The following FBXW4 variants were observed in gnomAD, a reference collection of about 807,000 sequenced individuals.
FBXW4 encodes F-box/WD repeat-containing protein 4.
Under a neutral mutation model 61.8 loss-of-function variants are expected in FBXW4, and 40 were observed. That is an observed-to-expected ratio of 0.65 (90% CI 0.50 to 0.84). The LOEUF is 0.84. FBXW4 is among the 40% of genes least tolerant of loss of function. The pLI, the probability that FBXW4 is intolerant of heterozygous loss-of-function variation, is 0.00. For missense variants in FBXW4, 672 were observed against 753.8 expected (o/e 0.89, Z 1.27); for synonymous variants, 311 against 313.8 (o/e 0.99, Z 0.10).
At chr10:101,673,146 A>C in intron 3 of FBXW4, 99 bp from the exon 4 acceptor site, 1 of 1,451,492 alleles carries the variant, frequency 6.9e-7, no homozygotes. Context: ...AGTGACATCC[A>C]AATTTGCTAA....
At chr10:101,612,751 C>A (rs2063798580) in intron 6 of FBXW4, among the ~76,000 whole-genome samples, 1 of 151,750 alleles carries the variant, frequency 6.6e-6, no homozygotes, top group South Asian at 2.1e-4. Context: ...ACCCACCCAG[C>A]CACTCCTCCT....
rs75335005 is a variant in FBXW4 at position 101,644,189 on chromosome 10, G to A, written c.1236-19379C>T. On this transcript the variant is annotated intron_variant, in intron 5 of 8. Coordinates refer to ENST00000331272, the MANE Select transcript of FBXW4 (RefSeq NM_022039.4). ...CTTTTCAGCCTTTCCAGTGAATGGT[G>A]GGGAAACTTTGGCATGTGGGAACGG... Among the ~76,000 whole-genome samples, 58 of 152,322 alleles carry A rather than the reference G, an allele frequency of 3.8e-4. 1 individual carries two copies. The East Asian group carries it at 0.01, about 27-fold the overall frequency.
intron 5 of FBXW4, among the ~76,000 whole-genome samples, chr10:101,638,088 G>C (rs1324139593): frequency 6.6e-6 from 1 of 152,138 alleles, no homozygotes; most frequent in African/African-American, 2.4e-5. Context: ...CCTCAATCCA[G>C]CATGATCTTT....
chr10:101,668,805 C>A (rs912888729), intron 4 of FBXW4, among the ~76,000 whole-genome samples: 1 of 152,090 alleles, frequency 6.6e-6, no homozygotes, highest in Non-Finnish European at 1.5e-5. Flanking sequence ...TTCACCCTAC[C>A]CTAGATGACA....
At chr10:101,614,862 T>G (rs964590559) in intron 6 of FBXW4, among the ~76,000 whole-genome samples, 2 of 151,994 alleles carry the variant, frequency 1.3e-5, no homozygotes, top group East Asian at 3.9e-4. Context: ...GGCTTTGATT[T>G]GGGAAAACAA....
chr10:101,670,332 G>A (rs551274517), intron 4 of FBXW4, among the ~76,000 whole-genome samples: 2 of 152,176 alleles, frequency 1.3e-5, no homozygotes, highest in African/African-American at 4.8e-5. Context: ...CTTAGCTTCC[G>A]TGTCCACATG....
intron 1 of FBXW4, among the ~76,000 whole-genome samples, chr10:101,682,572 T>C (rs1008252318): frequency 6.6e-6 from 1 of 152,202 alleles, no homozygotes; most frequent in South Asian, 2.1e-4. Context: ...CTCTGGATCA[T>C]AGCAGGAAGA....
At chr10:101,644,509 A>T (rs1022808741) in intron 5 of FBXW4, among the ~76,000 whole-genome samples, 27 of 152,198 alleles carry the variant, frequency 1.8e-4, no homozygotes, top group Admixed American at 4.6e-4. Context: ...ACTGAACCTG[A>T]GCAGCCATGG....
At chr10:101,623,262 A>G (rs2063882195) in intron 6 of FBXW4, among the ~76,000 whole-genome samples, 1 of 152,114 alleles carries the variant, frequency 6.6e-6, no homozygotes, top group Non-Finnish European at 1.5e-5. Flanking sequence ...ACACACAAAA[A>G]ATTAGCTGGG....
intron 5 of FBXW4, among the ~76,000 whole-genome samples, chr10:101,639,357 G>A (rs78797621): frequency 0.088 from 13,439 of 152,250 alleles, 689 homozygotes; most frequent in African/African-American, 0.14. Flanking sequence ...TAGTAATAAT[G>A]TGAGGGGGAG....
chr10:101,687,554 A>C (rs1213929670), intron 1 of FBXW4, among the ~76,000 whole-genome samples: 3 of 152,182 alleles, frequency 2.0e-5, no homozygotes, highest in Non-Finnish European at 4.4e-5. Context: ...CTATTAAAAC[A>C]ATCCTCTACC....
intron 4 of FBXW4, among the ~76,000 whole-genome samples, chr10:101,671,284 GCTTGCAGGAC>G (rs1278383446): frequency 6.6e-6 from 1 of 152,208 alleles, no homozygotes; most frequent in Admixed American, 6.5e-5. Flanking sequence ...CAGCTGACCA[GCTTGCAGGAC>G]CAGAGAAGAG....
chr10:101,629,080 G>A (rs1368543760), intron 5 of FBXW4, among the ~76,000 whole-genome samples: 3 of 152,198 alleles, frequency 2.0e-5, no homozygotes, highest in African/African-American at 7.2e-5. Flanking sequence ...ACAAGACATA[G>A]AAAAGAGGAA....
chr10:101,673,028 G>A lies in FBXW4; in HGVS notation c.1027C>T (p.His343Tyr). Residue 343 changes from histidine to tyrosine, a missense_variant, in exon 4 of 9, where the codon CAT (histidine) becomes TAT (tyrosine). Physicochemically the swap from His to Tyr is moderately conservative, Grantham distance 83. Coordinates refer to ENST00000331272, the MANE Select transcript of FBXW4 (RefSeq NM_022039.4). ...SAGGDGKIGI[H>Y]KIHSTFTVKY... ...ACAGTGAAGGTGCTGTGAATCTTAT[G>A]AATGCCAATCTTCCCATCCCTAGGA... 2 of 1,613,912 alleles carry A rather than the reference G, an allele frequency of 1.2e-6. No individual in the cohort carries two copies. The highest frequency in any genetic ancestry group is 8.5e-7 in the Non-Finnish European group (1 of 1,179,978).
At chr10:101,661,467 G>A (rs2064244235) in intron 5 of FBXW4, among the ~76,000 whole-genome samples, 1 of 152,200 alleles carries the variant, frequency 6.6e-6, no homozygotes, top group South Asian at 2.1e-4. Flanking sequence ...GGAGGGCACT[G>A]TACTGAGATT....
chr10:101,615,823 G>A (rs183119589), intron 6 of FBXW4, among the ~76,000 whole-genome samples: 60 of 152,232 alleles, frequency 3.9e-4, no homozygotes, highest in Non-Finnish European at 6.9e-4. Flanking sequence ...CTGGGCACAG[G>A]GGGCAGTCCC....
intron 5 of FBXW4, among the ~76,000 whole-genome samples, chr10:101,664,334 G>A (rs941811732): frequency 2.0e-5 from 3 of 152,296 alleles, no homozygotes; most frequent in South Asian, 4.2e-4. Flanking sequence ...TGAGAAAAGA[G>A]CTGTGCTAGG....
At chr10:101,640,048 G>T (rs1446985586) in intron 5 of FBXW4, among the ~76,000 whole-genome samples, 7 of 152,216 alleles carry the variant, frequency 4.6e-5, no homozygotes, top group Admixed American at 4.6e-4. Context: ...TGAGCAAAGG[G>T]CTTTGCCAGG....
At chr10:101,619,521 C>G (rs959348757) in intron 6 of FBXW4, among the ~76,000 whole-genome samples, 2 of 151,886 alleles carry the variant, frequency 1.3e-5, no homozygotes, top group Non-Finnish European at 2.9e-5. Context: ...TAGCCAGGCG[C>G]GGTGGCAGGC....
Sources: allele counts gnomAD v4.1 joint callset (sites outside exome capture counted in the v4.1 genomes callset), GRCh38; gene constraint gnomAD v4.1.1; transcripts MANE v1.5; gene names NCBI Gene and HGNC (gene_info 2026-07-23, HGNC 2026-07-21).